The following TOPBP1 variants were observed in gnomAD, a reference collection of about 807,000 sequenced individuals.
TOPBP1 encodes the protein DNA topoisomerase 2-binding protein 1.
Under a neutral mutation model 167.7 loss-of-function variants are expected in TOPBP1, and 28 were observed. The ratio of observed to expected loss-of-function variants is 0.17; its 90% CI spans 0.12 to 0.23. The LOEUF is 0.23. Among genes scored for constraint, TOPBP1 ranks in the 10% least tolerant of loss-of-function variants. The pLI, the probability that TOPBP1 is intolerant of heterozygous loss-of-function variation, is 1.00. For synonymous variants in TOPBP1, 598 were observed against 611.4 expected, an observed-to-expected ratio of 0.98 and a Z score of 0.32; for missense variants, 1,554 against 1,809.6, an observed-to-expected ratio of 0.86 and a Z score of 2.56.
At chr3:133,647,818 A>C (rs571314235) in intron 10 of TOPBP1, among the ~76,000 whole-genome samples, 10 of 152,202 alleles carry the variant, frequency 6.6e-5, no homozygotes, top group Admixed American at 1.3e-4. Context: ...TCTGGAAAAA[A>C]ATCTGAAGGA....
chr3:133,653,639 T>C, intron 6 of TOPBP1, 115 bp from the exon 7 acceptor site: 5 of 1,019,082 alleles, frequency 4.9e-6, no homozygotes, highest in Non-Finnish European at 6.6e-6. Context: ...ATTTTTTTTT[T>C]TTTTTTGAGA....
At chr3:133,653,215 C>T in intron 7 of TOPBP1, 130 bp downstream of exon 7, 3 of 876,608 alleles carry the variant, frequency 3.4e-6, no homozygotes, top group Non-Finnish European at 4.8e-6. Context: ...GACTATTATA[C>T]AATTATGCCT....
chr3:133,633,051 G>A (rs1935542928), intron 14 of TOPBP1, among the ~76,000 whole-genome samples: 1 of 152,156 alleles, frequency 6.6e-6, no homozygotes. Context: ...GGGATTATGG[G>A]CATGCACCAC....
At chr3:133,659,319 TA>T (rs1936599825) in intron 2 of TOPBP1, among the ~76,000 whole-genome samples, 169 bp from the exon 3 acceptor site, 1 of 152,170 alleles carries the variant, frequency 6.6e-6, no homozygotes, top group Non-Finnish European at 1.5e-5. Flanking sequence ...TTCCTTGCCC[TA>T]AATCTGTTCT....
intron 22 of TOPBP1, 59 bp from the exon 23 acceptor site, chr3:133,616,984 T>G (rs1934914478): frequency 1.6e-6 from 2 of 1,264,370 alleles, no homozygotes; most frequent in East Asian, 5.2e-5. Context: ...GATACACAGT[T>G]CTTTTATAGT....
At chr3:133,616,159 A>T in intron 23 of TOPBP1, among the ~76,000 whole-genome samples, 1 of 144,078 alleles carries the variant, frequency 6.9e-6, no homozygotes, top group African/African-American at 2.6e-5. Flanking sequence ...TTGCTTTGTC[A>T]CCCAGCCTGG....
chr3:133,633,179 C>T (rs948143135), intron 14 of TOPBP1, among the ~76,000 whole-genome samples: 4 of 152,168 alleles, frequency 2.6e-5, no homozygotes, highest in Non-Finnish European at 4.4e-5. Flanking sequence ...CTTCAAAAAT[C>T]GTTGTTTACA....
intron 13 of TOPBP1, among the ~76,000 whole-genome samples, chr3:133,638,433 G>GA (rs1229295949): frequency 3.3e-5 from 5 of 152,048 alleles, no homozygotes; most frequent in African/African-American, 1.2e-4. Flanking sequence ...CACATTAACT[G>GA]AAAAAATAAT....
intron 16 of TOPBP1, among the ~76,000 whole-genome samples, chr3:133,625,244 C>T (rs182981980): frequency 3.0e-4 from 46 of 152,334 alleles, no homozygotes; most frequent in Admixed American, 2.7e-3. Context: ...GGATTACACG[C>T]ATGAGCCACC....
chr3:133,638,666 A>G (rs1400537575), intron 13 of TOPBP1, among the ~76,000 whole-genome samples: 1 of 152,232 alleles, frequency 6.6e-6, no homozygotes, highest in Non-Finnish European at 1.5e-5. Context: ...GTCTGGCAAA[A>G]TAAGTAATGA....
intron 14 of TOPBP1, among the ~76,000 whole-genome samples, chr3:133,634,881 A>T (rs1935614871): frequency 6.6e-6 from 1 of 152,212 alleles, no homozygotes; most frequent in Non-Finnish European, 1.5e-5. Flanking sequence ...TACACATTTC[A>T]TATATTCGAT....
intron 12 of TOPBP1, 97 bp from the exon 13 acceptor site, chr3:133,640,267 G>A: frequency 9.8e-7 from 1 of 1,022,548 alleles, no homozygotes; most frequent in East Asian, 2.6e-5. Context: ...TAGAGATCAT[G>A]TAAGTATAAA....
chr3:133,624,655 A>T (rs1323414239), intron 16 of TOPBP1, among the ~76,000 whole-genome samples: 1 of 152,242 alleles, frequency 6.6e-6, no homozygotes, highest in Non-Finnish European at 1.5e-5. Flanking sequence ...TCACTTTTAC[A>T]GTAACCATAA....
chr3:133,614,592 G>A lies in TOPBP1; in HGVS notation c.3872-2040C>T, dbSNP rs193284429. ...CTGTACTCATCTGCCTCTGCTTCCT[G>A]CCCTCTTCTAGATCAATTCTCTGCT... On this transcript the variant is annotated intron_variant, in intron 23 of 27. Transcript: ENST00000260810. Among the ~76,000 whole-genome samples, 28 of 152,128 alleles carry A rather than the reference G, an allele frequency of 1.8e-4. No individual in the cohort carries two copies. The East Asian group carries it at 3.3e-3, about 18-fold the overall frequency.
chr3:133,604,010 T>G (rs1934405939), intron 27 of TOPBP1, among the ~76,000 whole-genome samples: 1 of 151,372 alleles, frequency 6.6e-6, no homozygotes, highest in South Asian at 2.1e-4. Context: ...CAATGGGCAA[T>G]CACAAATTAA....
In TOPBP1 at chr3:133,622,643, C is replaced by A. The variant is rs558553697; in HGVS notation, c.3178+448G>T. ...AAACTCTTCATATGTCTTTTTGTAT[C>A]TTTAAAACCATGTGGATATGTTAAA... On this transcript the variant is annotated intron_variant, in intron 19 of 27. Coordinates refer to ENST00000260810, the MANE Select transcript of TOPBP1 (RefSeq NM_007027.4). Among the ~76,000 whole-genome samples, 89 of 152,138 alleles carry A rather than the reference C, an allele frequency of 5.8e-4. 1 individual carries two copies. In the South Asian group the frequency reaches 0.017, roughly 29 times the overall value.
At chr3:133,642,020 C>A (rs1004570151) in intron 12 of TOPBP1, among the ~76,000 whole-genome samples, 1 of 152,004 alleles carries the variant, frequency 6.6e-6, no homozygotes, top group African/African-American at 2.4e-5. Flanking sequence ...GACAGGATCT[C>A]ATTTTGTTGC....
chr3:133,648,479 A>G (rs1936159366), intron 10 of TOPBP1, among the ~76,000 whole-genome samples: 1 of 152,230 alleles, frequency 6.6e-6, no homozygotes, highest in African/African-American at 2.4e-5. Flanking sequence ...GAGTGGAGAG[A>G]GGGAGCAGGG....
In TOPBP1 at chr3:133,637,809, A is replaced by G. The variant is rs144992479; in HGVS notation, c.2520+67T>C. 4 of 1,544,118 alleles carry G rather than the reference A, an allele frequency of 2.6e-6. No homozygotes were observed. In the African/African-American group the frequency reaches 5.5e-5, roughly 21 times the overall value. The stretch of plus-strand genomic sequence containing the variant: ...TTACTACACTTCAGAGGTGATGCCA[A>G]ATTTGGTGCTTTAACTTTATAAACG... On this transcript the variant is annotated intron_variant, in intron 14 of 27. Transcript: ENST00000260810.
Sources: allele counts gnomAD v4.1 joint callset (sites outside exome capture counted in the v4.1 genomes callset), GRCh38; gene constraint gnomAD v4.1.1; transcripts MANE v1.5; gene names NCBI Gene and HGNC (gene_info 2026-07-23, HGNC 2026-07-21).